The following UNC13B variants were observed in gnomAD, a reference collection of about 807,000 sequenced individuals.
UNC13B encodes unc-13 homolog B.
A neutral mutation model predicts 211.0 loss-of-function variants in UNC13B; 144 were observed. That is an observed-to-expected ratio of 0.68 (90% CI 0.60 to 0.78). The LOEUF (loss-of-function observed/expected upper bound fraction) is 0.78, where lower values mean the gene tolerates loss of function less well. Among genes scored for constraint, UNC13B ranks in the 30% least tolerant of loss-of-function variants. The pLI is 0.00. For synonymous variants in UNC13B, 709 were observed against 725.8 expected (o/e 0.98, Z 0.37); for missense variants, 1,777 against 2,002.0 (o/e 0.89, Z 2.14).
At chr9:35,351,683 C>A in intron 11 of UNC13B, 1 of 1,232,280 alleles carries the variant, frequency 8.1e-7, no homozygotes, top group Non-Finnish European at 1.0e-6. Context: ...CAACTCCCTG[C>A]CCCCTTGCTG....
chr9:35,191,037 G>A (rs900837594), intron 1 of UNC13B, among the ~76,000 whole-genome samples: 7 of 151,888 alleles, frequency 4.6e-5, no homozygotes, highest in Admixed American at 6.6e-5. Flanking sequence ...TCAGCTCACC[G>A]CAACTCCCAT....
chr9:35,247,410 G>A (rs1826170674), intron 6 of UNC13B, among the ~76,000 whole-genome samples: 2 of 152,188 alleles, frequency 1.3e-5, no homozygotes, highest in South Asian at 4.1e-4. Flanking sequence ...AGTGGTGAGA[G>A]AGGGCATCCC....
At position 35,237,707 on chromosome 9, in the gene UNC13B, G is replaced by T. The variant is rs778986875; in HGVS notation, c.275G>T (p.Gly92Val). 6.2e-7 allele frequency: 1 copy of T among 1,612,800 alleles called. No homozygotes were observed. The change falls in exon 5 of 40, where the codon GGG (glycine) becomes GTG (valine). Residue 92 changes from glycine (G) to valine (V), a missense_variant. By Grantham distance (109) the Gly-to-Val change is moderately radical. Transcript: ENST00000635942. ...LKTIRQSDEE[G>V]PGEWSTLEAE... is the part of the protein sequence containing the mutation. ...TCTTAGATCTTTGTTTCCTAGGAAG[G>T]GCCTGGGGAATGGTCCACATTAGAG...
At chr9:35,340,439 C>T (rs1831917240) in intron 11 of UNC13B, among the ~76,000 whole-genome samples, 1 of 152,198 alleles carries the variant, frequency 6.6e-6, no homozygotes, top group South Asian at 2.1e-4. Flanking sequence ...ATAAGCCAAA[C>T]AAATCATTCT....
intron 24 of UNC13B, 90 bp from the exon 25 acceptor site, chr9:35,389,756 A>G (rs1033830201): frequency 7.0e-7 from 1 of 1,420,544 alleles, no homozygotes; most frequent in Non-Finnish European, 9.8e-7. Flanking sequence ...GAGGTATAGG[A>G]AGGGGAAGAG....
At chr9:35,245,834 A>T (rs1826063454) in intron 6 of UNC13B, among the ~76,000 whole-genome samples, 1 of 152,194 alleles carries the variant, frequency 6.6e-6, no homozygotes, top group African/African-American at 2.4e-5. Context: ...TCTTTATAGC[A>T]GCATGATTTA....
At chr9:35,267,340 G>C (rs370970090) in intron 7 of UNC13B, among the ~76,000 whole-genome samples, 2 of 152,232 alleles carry the variant, frequency 1.3e-5, no homozygotes, top group East Asian at 1.9e-4. Context: ...AGTGTTCTCT[G>C]TGTCCGAGTG....
chr9:35,333,970 T>G (rs913608076), intron 11 of UNC13B, among the ~76,000 whole-genome samples: 1 of 151,840 alleles, frequency 6.6e-6, no homozygotes, highest in South Asian at 2.1e-4. Context: ...GTTTGTTTTT[T>G]TTTTTGTTTT....
In UNC13B at chr9:35,237,766, G is replaced by A; in HGVS notation, c.334G>A (p.Gly112Arg). Residue 112 changes from glycine (G) to arginine (R), a missense_variant, in exon 5 of 40, where the codon GGA becomes AGA. By Grantham distance (125) the Gly-to-Arg change is moderately radical. Coordinates refer to ENST00000635942, the MANE Select transcript of UNC13B (RefSeq NM_001371189.2). ...GTTAATGAAAGACGATGAGATCTGT[G>A]GAACTAGAAACCCAACTCCTCATAA... ...ETLMKDDEIC[G>R]TRNPTPHKIL... is the part of the protein sequence containing the mutation. The A allele has an allele frequency of 1.2e-6, 2 of 1,613,898 alleles. No homozygotes were observed. Among genetic ancestry groups the A allele is most frequent in the South Asian group, 1.1e-5 (1 of 91,000 alleles).
At chr9:35,371,178 T>C (rs34965543) in intron 13 of UNC13B, among the ~76,000 whole-genome samples, 1 of 152,098 alleles carries the variant, frequency 6.6e-6, no homozygotes, top group African/African-American at 2.4e-5. Context: ...CTATCTATTG[T>C]TTTTCCTAAC....
chr9:35,346,305 G>T (rs1488564283), intron 11 of UNC13B, among the ~76,000 whole-genome samples: 2 of 152,040 alleles, frequency 1.3e-5, no homozygotes, highest in Non-Finnish European at 1.5e-5. Flanking sequence ...TCGAGTCCTG[G>T]CCTTTTCCCA....
intron 11 of UNC13B, among the ~76,000 whole-genome samples, chr9:35,330,988 A>G (rs1831338107): frequency 6.6e-6 from 1 of 152,216 alleles, no homozygotes; most frequent in African/African-American, 2.4e-5. Context: ...CATAGTATCA[A>G]TAAAGGGAGG....
chr9:35,382,245 C>A, intron 20 of UNC13B, 112 bp from the exon 21 acceptor site: 1 of 1,418,156 alleles, frequency 7.1e-7, no homozygotes, highest in Non-Finnish European at 9.6e-7. Flanking sequence ...CAAGAGAGGG[C>A]AGCAATTGCC....
At chr9:35,196,332 AGAAC>A (rs1822939609) in intron 1 of UNC13B, among the ~76,000 whole-genome samples, 1 of 152,254 alleles carries the variant, frequency 6.6e-6, no homozygotes, top group Admixed American at 6.5e-5. Context: ...AGAACTGGCT[AGAAC>A]AAGGCAAGTT....
chr9:35,229,785 G>T (rs1034471579), intron 2 of UNC13B, among the ~76,000 whole-genome samples: 1 of 152,022 alleles, frequency 6.6e-6, no homozygotes, highest in Non-Finnish European at 1.5e-5. Context: ...ATGTTGATAA[G>T]TATAAAACCA....
chr9:35,162,468 ACTTT>A (rs1166841116), intron 1 of UNC13B, among the ~76,000 whole-genome samples, 163 bp downstream of exon 1: 1 of 152,100 alleles, frequency 6.6e-6, no homozygotes, highest in African/African-American at 2.4e-5. Flanking sequence ...AGTTCTTTCC[ACTTT>A]CTTGTTTTCC....
chr9:35,275,174 C>T (rs1828100666), intron 7 of UNC13B, among the ~76,000 whole-genome samples: 1 of 152,062 alleles, frequency 6.6e-6, no homozygotes, highest in African/African-American at 2.4e-5. Flanking sequence ...TTCTGCATCA[C>T]TTGTTTCTAG....
chr9:35,237,387 T>G lies in UNC13B; in HGVS notation c.271-316T>G, dbSNP rs186845159. Among the ~76,000 whole-genome samples, 17 of 152,314 alleles carry G rather than the reference T, an allele frequency of 1.1e-4. No individual in the cohort carries two copies. In the East Asian group the frequency reaches 3.3e-3, roughly 29 times the overall value. ...GTAGCTTTTTACTGACTAGAAACAGTGACACAGTCATTAAGAACTGTGCAG... is the reference window on the plus strand; with the variant it reads ...GTAGCTTTTTACTGACTAGAAACAGGGACACAGTCATTAAGAACTGTGCAG... On this transcript the variant is annotated intron_variant, in intron 4 of 39. Transcript: ENST00000635942.
At chr9:35,313,786 T>G in intron 10 of UNC13B, 113 bp from the exon 11 acceptor site, 1 of 770,770 alleles carries the variant, frequency 1.3e-6, no homozygotes, top group Non-Finnish European at 2.3e-6. Context: ...ACTAAATAAG[T>G]GTAGGCATGA....
Sources: allele counts gnomAD v4.1 joint callset (sites outside exome capture counted in the v4.1 genomes callset), GRCh38; gene constraint gnomAD v4.1.1; transcripts MANE v1.5; gene names NCBI Gene and HGNC (gene_info 2026-07-23, HGNC 2026-07-21).